The following SNX30 variants were observed in gnomAD, a reference collection of about 807,000 sequenced individuals.
SNX30 encodes the protein sorting nexin family member 30, also known as sorting nexin-30.
Under a neutral mutation model 46.4 loss-of-function variants are expected in SNX30, and 24 were observed. The observed-to-expected ratio is 0.52, with a 90% confidence interval of 0.37 to 0.73. SNX30 has a LOEUF of 0.73. Among genes scored for constraint, SNX30 ranks in the 30% least tolerant of loss-of-function variants. The pLI, the probability that SNX30 is intolerant of heterozygous loss-of-function variation, is 0.00. For missense variants in SNX30, 533 were observed against 555.7 expected (o/e 0.96, Z 0.41); for synonymous variants, 189 against 211.5 (o/e 0.89, Z 0.92).
intron 1 of SNX30, among the ~76,000 whole-genome samples, chr9:112,789,520 G>A (rs1216666150): frequency 6.6e-6 from 1 of 152,182 alleles, no homozygotes; most frequent in East Asian, 1.9e-4. Context: ...GTTTTGTTTG[G>A]TAGCACTGCA....
At chr9:112,768,544 A>G (rs971817469) in intron 1 of SNX30, among the ~76,000 whole-genome samples, 1 of 151,852 alleles carries the variant, frequency 6.6e-6, no homozygotes, top group African/African-American at 2.4e-5. Flanking sequence ...CTCTTAGACA[A>G]TACTGATGCC....
At chr9:112,789,254 G>C (rs1399235163) in intron 1 of SNX30, among the ~76,000 whole-genome samples, 1 of 152,144 alleles carries the variant, frequency 6.6e-6, no homozygotes, top group East Asian at 1.9e-4. Context: ...TTGTGTTGGG[G>C]ATCTTAGTTA....
downstream of SNX30, chr9:112,879,123 C>T (rs1384580909): frequency 6.6e-6 from 1 of 152,218 alleles, no homozygotes; most frequent in Admixed American, 6.5e-5. Flanking sequence ...TTCTTAAAAG[C>T]AACAGTAGTA....
At chr9:112,838,859 C>T (rs1273625389) in intron 6 of SNX30, among the ~76,000 whole-genome samples, 162 bp downstream of exon 6, 1 of 152,002 alleles carries the variant, frequency 6.6e-6, no homozygotes, top group East Asian at 1.9e-4. Flanking sequence ...AAATGGAACA[C>T]ATGGTGAACG....
At chr9:112,816,658 A>G (rs1205406067) in intron 2 of SNX30, among the ~76,000 whole-genome samples, 2 of 152,246 alleles carry the variant, frequency 1.3e-5, no homozygotes, top group Non-Finnish European at 2.9e-5. Context: ...AGCTGTTCAC[A>G]GCTTTTTCTT....
intron 3 of SNX30, among the ~76,000 whole-genome samples, chr9:112,826,939 T>C (rs900950460): frequency 3.9e-5 from 6 of 152,210 alleles, no homozygotes; most frequent in Admixed American, 2.6e-4. Context: ...ATTTCGAATA[T>C]TCTACTCAAG....
intron 2 of SNX30, among the ~76,000 whole-genome samples, chr9:112,813,787 A>T (rs988040306): frequency 5.9e-5 from 7 of 118,568 alleles, no homozygotes; most frequent in East Asian, 4.2e-4. Flanking sequence ...ATCTAAATTT[A>T]AAAAAAAAAA....
intron 2 of SNX30, among the ~76,000 whole-genome samples, chr9:112,805,408 G>A (rs1279869003): frequency 6.6e-6 from 1 of 152,148 alleles, no homozygotes; most frequent in Admixed American, 6.5e-5. Context: ...TCTGGTATGT[G>A]TCAGATAGGT....
chr9:112,833,627 A>G (rs982187703), intron 4 of SNX30, among the ~76,000 whole-genome samples: 4 of 152,164 alleles, frequency 2.6e-5, no homozygotes, highest in Non-Finnish European at 5.9e-5. Context: ...GATACTGCTG[A>G]ATAACTTTAT....
intron 2 of SNX30, among the ~76,000 whole-genome samples, chr9:112,815,590 A>G (rs1840384456): frequency 6.6e-6 from 1 of 152,020 alleles, no homozygotes; most frequent in South Asian, 2.1e-4. Flanking sequence ...TGAACTACCG[A>G]CCCCAAATGA....
At chr9:112,784,303 C>T (rs1839886922) in intron 1 of SNX30, among the ~76,000 whole-genome samples, 1 of 152,164 alleles carries the variant, frequency 6.6e-6, no homozygotes, top group African/African-American at 2.4e-5. Context: ...TTTATTTTTT[C>T]TGCATGCTTT....
intron 1 of SNX30, among the ~76,000 whole-genome samples, chr9:112,761,461 C>A (rs62576369): frequency 0.068 from 10,363 of 152,186 alleles, 452 homozygotes; most frequent in Non-Finnish European, 0.099. Context: ...CTGCTCCCGG[C>A]CCCAAGAGGG....
At chr9:112,854,104 T>C (rs921741633) in intron 7 of SNX30, among the ~76,000 whole-genome samples, 1 of 152,218 alleles carries the variant, frequency 6.6e-6, no homozygotes, top group Non-Finnish European at 1.5e-5. Context: ...ATTTAATATG[T>C]TCATCCCTAT....
At chr9:112,753,143 T>C (rs943660770) in intron 1 of SNX30, among the ~76,000 whole-genome samples, 6 of 152,170 alleles carry the variant, frequency 3.9e-5, no homozygotes, top group African/African-American at 1.4e-4. Context: ...CATTGGGCCA[T>C]CTTGGAGACT....
chr9:112,845,538 G>A (rs1364998153), intron 6 of SNX30, among the ~76,000 whole-genome samples: 1 of 152,182 alleles, frequency 6.6e-6, no homozygotes, highest in East Asian at 1.9e-4. Flanking sequence ...TCTGGAGGGG[G>A]CCTCTGTGGA....
intron 1 of SNX30, among the ~76,000 whole-genome samples, chr9:112,773,556 A>C (rs1229921944): frequency 1.3e-5 from 2 of 152,176 alleles, no homozygotes; most frequent in African/African-American, 4.8e-5. Context: ...GAATAGGTGC[A>C]TCTTGAGGTG....
At chr9:112,788,410 T>A (rs1341394053) in intron 1 of SNX30, among the ~76,000 whole-genome samples, 1 of 152,132 alleles carries the variant, frequency 6.6e-6, no homozygotes, top group African/African-American at 2.4e-5. Context: ...AACATGTCAA[T>A]GAGAACCAGG....
intron 1 of SNX30, among the ~76,000 whole-genome samples, chr9:112,781,376 C>A (rs1032291481): frequency 6.6e-6 from 1 of 151,996 alleles, no homozygotes; most frequent in Non-Finnish European, 1.5e-5. Flanking sequence ...AATCCTTTCC[C>A]CAGTTTGTTA....
chr9:112,885,434 A>ATG (rs1440753991), downstream of SNX30: 2 of 57,174 alleles, frequency 3.5e-5, no homozygotes, highest in Admixed American at 2.5e-4. Flanking sequence ...GTATATATAT[A>ATG]TATGTGTATA....
Sources: allele counts gnomAD v4.1 joint callset (sites outside exome capture counted in the v4.1 genomes callset), GRCh38; gene constraint gnomAD v4.1.1; transcripts MANE v1.5; gene names NCBI Gene and HGNC (gene_info 2026-07-23, HGNC 2026-07-21).